ELMO1: variants seen among roughly 807,000 people sequenced by gnomAD.
ELMO1 encodes the protein engulfment and cell motility protein 1.
A neutral mutation model predicts 98.9 loss-of-function variants in ELMO1; 26 were observed. That is an observed-to-expected ratio of 0.26 (90% CI 0.19 to 0.36). The LOEUF (loss-of-function observed/expected upper bound fraction) is 0.36. Ranked by LOEUF, ELMO1 falls within the 10% of genes least tolerant of loss-of-function variation. The probability of loss-of-function intolerance (pLI) is 1.00; values close to 1 mark genes in which losing one functional copy is unlikely to be tolerated. For synonymous variants in ELMO1, 346 were observed against 346.0 expected (o/e 1.00, Z 0.00); for missense variants, 627 against 935.2 (o/e 0.67, Z 4.30).
At chr7:37,157,682 A>G (rs1380830595) in intron 13 of ELMO1, among the ~76,000 whole-genome samples, 1 of 152,214 alleles carries the variant, frequency 6.6e-6, no homozygotes, top group East Asian at 1.9e-4. Flanking sequence ...AGAACATTCC[A>G]TGCTCATGGA....
At chr7:36,961,128 TCAGA>T (rs1410333887) in intron 16 of ELMO1, among the ~76,000 whole-genome samples, 2 of 152,322 alleles carry the variant, frequency 1.3e-5, no homozygotes, top group Non-Finnish European at 2.9e-5. Context: ...CTTTGAAAAC[TCAGA>T]CAGGCTAGGA....
chr7:37,383,712 G>A (rs1038708685), intron 1 of ELMO1, among the ~76,000 whole-genome samples: 3 of 152,032 alleles, frequency 2.0e-5, no homozygotes, highest in East Asian at 1.9e-4. Flanking sequence ...TTTTAATGTC[G>A]TAACTATGTT....
intron 16 of ELMO1, among the ~76,000 whole-genome samples, chr7:36,995,506 CAAAA>C (rs370173470): frequency 2.5e-5 from 3 of 120,742 alleles, no homozygotes; most frequent in East Asian, 2.3e-4. Flanking sequence ...GACTCTGTCT[CAAAA>C]AAAAAAAAAA....
chr7:37,047,283 A>C (rs1283854676), intron 15 of ELMO1, among the ~76,000 whole-genome samples: 4 of 152,248 alleles, frequency 2.6e-5, no homozygotes, highest in Admixed American at 2.6e-4. Flanking sequence ...TAGCTCATTA[A>C]TCGGTGTTCC....
chr7:37,331,588 G>C (rs1800127517), intron 2 of ELMO1, among the ~76,000 whole-genome samples: 1 of 151,864 alleles, frequency 6.6e-6, no homozygotes, highest in Non-Finnish European at 1.5e-5. Context: ...TGTTTGTGTA[G>C]ATATTATGCT....
chr7:37,434,396 T>A (rs569041543), intron 1 of ELMO1, among the ~76,000 whole-genome samples: 1 of 152,210 alleles, frequency 6.6e-6, no homozygotes, highest in Non-Finnish European at 1.5e-5. Flanking sequence ...AGGTACTTCA[T>A]CATTCCTAAG....
intron 16 of ELMO1, among the ~76,000 whole-genome samples, chr7:36,902,144 C>T (rs1453148213): frequency 6.6e-6 from 1 of 152,210 alleles, no homozygotes; most frequent in African/African-American, 2.4e-5. Flanking sequence ...GAAATCACAG[C>T]TCAGCCAGTG....
chr7:37,156,185 G>A (rs1341809795), intron 13 of ELMO1, among the ~76,000 whole-genome samples: 1 of 152,164 alleles, frequency 6.6e-6, no homozygotes, highest in East Asian at 1.9e-4. Context: ...GTGTGTAGAA[G>A]GAAATTTATA....
intron 15 of ELMO1, among the ~76,000 whole-genome samples, chr7:37,049,880 C>T (rs921625175): frequency 2.0e-5 from 3 of 150,816 alleles, no homozygotes; most frequent in African/African-American, 4.9e-5. Flanking sequence ...CAGGTTCAAG[C>T]GATTATTCTG....
At chr7:37,193,874 T>C (rs1164070909) in intron 13 of ELMO1, among the ~76,000 whole-genome samples, 1 of 152,188 alleles carries the variant, frequency 6.6e-6, no homozygotes, top group African/African-American at 2.4e-5. Flanking sequence ...CACATAAACA[T>C]GTGACTCTAG....
At chr7:37,089,901 G>T (rs558806181) in intron 15 of ELMO1, among the ~76,000 whole-genome samples, 3 of 152,282 alleles carry the variant, frequency 2.0e-5, no homozygotes, top group South Asian at 2.1e-4. Flanking sequence ...TGGGTAATGG[G>T]TAATGGCTAA....
chr7:37,024,904 T>C (rs752022332), intron 15 of ELMO1, among the ~76,000 whole-genome samples: 3 of 152,160 alleles, frequency 2.0e-5, no homozygotes, highest in Non-Finnish European at 4.4e-5. Context: ...TCCTAGAAAG[T>C]TATAGAGCAG....
chr7:37,258,518 A>G (rs1228234397), intron 6 of ELMO1, among the ~76,000 whole-genome samples: 1 of 152,156 alleles, frequency 6.6e-6, no homozygotes, highest in Non-Finnish European at 1.5e-5. Context: ...ATTACACGCA[A>G]TAGAATTCTG....
chr7:37,394,840 C>T (rs1383849509), intron 1 of ELMO1, among the ~76,000 whole-genome samples: 1 of 152,078 alleles, frequency 6.6e-6, no homozygotes, highest in African/African-American at 2.4e-5. Context: ...CCTCCAGACA[C>T]GAGAACAATT....
At chr7:37,013,715 CA>C (rs1404245715) in intron 15 of ELMO1, 2 of 349,868 alleles carry the variant, frequency 5.7e-6, no homozygotes, top group Non-Finnish European at 5.4e-6. Context: ...GGCTTTGTTC[CA>C]AAACTGCTGT....
At chr7:37,354,776 C>A (rs530116953) in intron 1 of ELMO1, among the ~76,000 whole-genome samples, 2 of 152,318 alleles carry the variant, frequency 1.3e-5, no homozygotes, top group African/African-American at 4.8e-5. Context: ...ATCGCAGAAA[C>A]CAGACTCGAA....
At chr7:37,311,737 G>A (rs542081185) in intron 4 of ELMO1, among the ~76,000 whole-genome samples, 20 of 152,226 alleles carry the variant, frequency 1.3e-4, no homozygotes, top group African/African-American at 2.6e-4. Flanking sequence ...CAATGACACC[G>A]TATTTACAAA....
At chr7:37,056,008 T>G (rs1436054912) in intron 15 of ELMO1, among the ~76,000 whole-genome samples, 1 of 152,198 alleles carries the variant, frequency 6.6e-6, no homozygotes. Flanking sequence ...AAACATTTGG[T>G]GCTTTAAGAA....
intron 17 of ELMO1, among the ~76,000 whole-genome samples, chr7:36,894,499 C>T (rs1241894128): frequency 6.6e-6 from 1 of 152,180 alleles, no homozygotes; most frequent in African/African-American, 2.4e-5. Flanking sequence ...CAAGGTCTTG[C>T]TATTCAAAGG....
Sources: gnomAD v4.1 joint callset for allele counts (sites outside exome capture counted in the v4.1 genomes callset) on GRCh38, gnomAD v4.1.1 for gene constraint, MANE v1.5 for transcripts, NCBI Gene and HGNC (gene_info 2026-07-23, HGNC 2026-07-21) for gene names.